Variants in TMOD3 observed in about 807,000 individuals in gnomAD.
The protein encoded by TMOD3 is tropomodulin-3.
TMOD3 carries 20 observed loss-of-function variants against 39.2 expected under a neutral mutation model. That is an observed-to-expected ratio of 0.51 (90% CI 0.36 to 0.74). TMOD3 has a LOEUF of 0.74. Among genes scored for constraint, TMOD3 ranks in the 30% least tolerant of loss-of-function variants. The pLI is 0.00. For synonymous variants in TMOD3, 143 were observed against 145.8 expected, an observed-to-expected ratio of 0.98 and a Z score of 0.14; for missense variants, 381 against 412.8, an observed-to-expected ratio of 0.92 and a Z score of 0.67.
Position 51,871,150 on chromosome 15 carries a change from C to T in TMOD3, c.283+1777C>T, listed in dbSNP as rs373830997. On this transcript the variant is annotated intron_variant, in intron 3 of 9. Transcript: ENST00000308580. Reference sequence around the variant, plus strand: ...AATTGACACATAAAACTAACCATCACGCTACTGTTACAGGTGGGAATGTCA... The same window carrying T: ...AATTGACACATAAAACTAACCATCATGCTACTGTTACAGGTGGGAATGTCA... Among the ~76,000 whole-genome samples the T allele has an allele frequency of 1.6e-4, 25 of 152,278 alleles. No individual in the cohort carries two copies. In the East Asian group the frequency reaches 2.5e-3, roughly 15 times the overall value.
At chr15:51,875,568 C>T (rs2056497830) in intron 3 of TMOD3, among the ~76,000 whole-genome samples, 1 of 151,310 alleles carries the variant, frequency 6.6e-6, no homozygotes, top group South Asian at 2.1e-4. Flanking sequence ...AGTTCCTTTC[C>T]TCCAGCATTT....
intron 5 of TMOD3, among the ~76,000 whole-genome samples, chr15:51,890,463 C>T (rs1326254404): frequency 6.6e-6 from 1 of 151,902 alleles, no homozygotes; most frequent in Non-Finnish European, 1.5e-5. Flanking sequence ...AGGCATGAGC[C>T]ACTGTGCCTG....
chr15:51,861,827 T>C (rs2056420674), intron 1 of TMOD3, among the ~76,000 whole-genome samples: 2 of 151,864 alleles, frequency 1.3e-5, no homozygotes, highest in Admixed American at 1.3e-4. Flanking sequence ...CTGGCTGATG[T>C]TTTGTATTTT....
intron 1 of TMOD3, among the ~76,000 whole-genome samples, chr15:51,839,424 G>GT (rs1239456019): frequency 1.3e-5 from 2 of 152,026 alleles, no homozygotes; most frequent in African/African-American, 2.4e-5. Flanking sequence ...TCCTGCCTTG[G>GT]CCTCCCAAAT....
intron 5 of TMOD3, among the ~76,000 whole-genome samples, chr15:51,889,798 A>G (rs967662631): frequency 6.6e-6 from 1 of 152,178 alleles, no homozygotes; most frequent in Non-Finnish European, 1.5e-5. Context: ...CAGGAGCTTG[A>G]GGCTGCAGTG....
At chr15:51,867,674 A>G (rs1166720459) in intron 2 of TMOD3, among the ~76,000 whole-genome samples, 2 of 152,222 alleles carry the variant, frequency 1.3e-5, no homozygotes, top group African/African-American at 4.8e-5. Flanking sequence ...ATTCAGCGTC[A>G]CTGCCAATAT....
At chr15:51,905,702 C>T (rs1595914549) in intron 9 of TMOD3, among the ~76,000 whole-genome samples, 1 of 152,040 alleles carries the variant, frequency 6.6e-6, no homozygotes, top group Non-Finnish European at 1.5e-5. Context: ...AGGACATTCG[C>T]AATTAACTAA....
chr15:51,832,132 A>G (rs2056258273), intron 1 of TMOD3, among the ~76,000 whole-genome samples: 1 of 150,462 alleles, frequency 6.6e-6, no homozygotes, highest in Non-Finnish European at 1.5e-5. Context: ...AGTGAGAGAC[A>G]ATGATTGTGC....
chr15:51,834,202 A>G (rs1038553293), intron 1 of TMOD3, among the ~76,000 whole-genome samples: 11 of 152,086 alleles, frequency 7.2e-5, no homozygotes, highest in Admixed American at 7.2e-4. Flanking sequence ...ATAGAGATAG[A>G]TGTGTTGACA....
chr15:51,885,827 G>A (rs1033966613), intron 3 of TMOD3, among the ~76,000 whole-genome samples: 1 of 151,294 alleles, frequency 6.6e-6, no homozygotes, highest in Non-Finnish European at 1.5e-5. Context: ...CGGGGTGGCG[G>A]CCGGACAGAG....
chr15:51,856,768 C>T (rs937503518), intron 1 of TMOD3, among the ~76,000 whole-genome samples: 5 of 152,206 alleles, frequency 3.3e-5, no homozygotes, highest in African/African-American at 1.2e-4. Flanking sequence ...TCTGATAATA[C>T]CAACAATGAG....
chr15:51,831,106 T>C (rs1321575978), intron 1 of TMOD3, among the ~76,000 whole-genome samples: 3 of 152,186 alleles, frequency 2.0e-5, no homozygotes, highest in Non-Finnish European at 4.4e-5. Flanking sequence ...TTTATTTTGC[T>C]CATTCAGGAA....
At chr15:51,879,889 C>CACACACACACACACAT (rs1555387141) in intron 3 of TMOD3, among the ~76,000 whole-genome samples, 1 of 150,884 alleles carries the variant, frequency 6.6e-6, no homozygotes, top group African/African-American at 2.4e-5. Context: ...CACACACACA[C>CACACACACACACACAT]GAAGAAGAAA....
At chr15:51,895,851 G>A (rs2056618003) in intron 6 of TMOD3, among the ~76,000 whole-genome samples, 1 of 152,174 alleles carries the variant, frequency 6.6e-6, no homozygotes, top group Non-Finnish European at 1.5e-5. Flanking sequence ...ACTCATGCCT[G>A]TAATCCCAGC....
chr15:51,887,625 C>G lies in TMOD3; in HGVS notation c.320C>G (p.Thr107Ser). Residue 107 changes from threonine (T) to serine (S), a missense_variant, in exon 4 of 10, where the codon ACT becomes AGT. Physicochemically the swap from Thr to Ser is moderately conservative, Grantham distance 58. Transcript: ENST00000308580. The part of the protein sequence containing the change: ...IFIPKQKPVQ[T>S]FTEEKVSLDP... ...ATCCCCAAACAGAAACCTGTACAGA[C>G]TTTTACAGAAGAAAAAGTGTCTCTT... The G allele has an allele frequency of 2.5e-6, 4 of 1,613,874 alleles. No individual in the cohort carries two copies. The highest frequency in any genetic ancestry group is 3.4e-6 in the Non-Finnish European group (4 of 1,179,924).
At chr15:51,845,446 A>G (rs145842084) in intron 1 of TMOD3, among the ~76,000 whole-genome samples, 251 of 152,340 alleles carry the variant, frequency 1.6e-3, no homozygotes, top group African/African-American at 5.8e-3. Context: ...ACTAAGTGCT[A>G]GACTTTTTCT....
chr15:51,860,203 C>A, intron 1 of TMOD3: 1 of 479,338 alleles, frequency 2.1e-6, no homozygotes, highest in South Asian at 1.6e-5. Flanking sequence ...GCCTGAGGGT[C>A]ATCATAAATT....
intron 7 of TMOD3, among the ~76,000 whole-genome samples, chr15:51,897,241 A>AT (rs1008193254): frequency 6.6e-6 from 1 of 151,934 alleles, no homozygotes; most frequent in African/African-American, 2.4e-5. Context: ...AAATATATAT[A>AT]TTATCTTCAT....
At position 51,911,140 on chromosome 15, in the gene TMOD3, T is replaced by C. The variant is rs116398215; in HGVS notation, c.*2330T>C. ...CTAGACTTTCAGTCAGGCATCCTCG[T>C]TTGCATTGTCCTGTAAGTCAATTAG... On this transcript the variant is annotated 3_prime_UTR_variant, in exon 10 of 10. Coordinates refer to ENST00000308580, the MANE Select transcript of TMOD3 (RefSeq NM_014547.5). The C allele has an allele frequency of 6.6e-6, 1 of 152,344 alleles. No individual in the cohort carries two copies. Among genetic ancestry groups the C allele is most frequent in the African/African-American group, 2.4e-5 (1 of 41,574 alleles). The allele number at this position is 152,344 out of a possible 1,614,324, so 9.4% of individuals were successfully genotyped here. A position where few individuals can be genotyped will look rare whatever the true frequency, so the allele number is the denominator to read the frequency against.
Sources: allele counts gnomAD v4.1 joint callset (sites outside exome capture counted in the v4.1 genomes callset), GRCh38; gene constraint gnomAD v4.1.1; transcripts MANE v1.5; gene names NCBI Gene and HGNC (gene_info 2026-07-23, HGNC 2026-07-21).